The following TCAIM variants were observed in gnomAD, a reference collection of about 807,000 sequenced individuals.
TCAIM encodes the protein T cell activation inhibitor, mitochondrial, also known as T-cell activation inhibitor, mitochondrial.
In TCAIM, 36 loss-of-function variants were observed where a neutral mutation model predicts 58.6. The observed-to-expected ratio is 0.61, with a 90% CI of 0.47 to 0.81. The LOEUF (loss-of-function observed/expected upper bound fraction) is 0.81, where lower values mean the gene tolerates loss of function less well. TCAIM is among the 30% of genes least tolerant of loss of function. The pLI, the probability that TCAIM is intolerant of heterozygous loss-of-function variation, is 0.00. For missense variants in TCAIM, 466 were observed against 579.6 expected (o/e 0.80, Z 2.01); for synonymous variants, 172 against 193.6 (o/e 0.89, Z 0.93).
At chr3:44,371,839 T>C (rs1162947255) in intron 5 of TCAIM, among the ~76,000 whole-genome samples, 1 of 152,214 alleles carries the variant, frequency 6.6e-6, no homozygotes, top group Non-Finnish European at 1.5e-5. Context: ...GAATGGTATC[T>C]CTATCAATTT....
At chr3:44,356,937 T>C (rs1282282568) in intron 2 of TCAIM, among the ~76,000 whole-genome samples, 5 of 151,760 alleles carry the variant, frequency 3.3e-5, no homozygotes, top group Admixed American at 1.3e-4. Context: ...GCCAAGATCA[T>C]GCCACTGCAC....
chr3:44,386,902 A>C (rs1034609455), intron 5 of TCAIM, among the ~76,000 whole-genome samples: 1 of 152,120 alleles, frequency 6.6e-6, no homozygotes, highest in African/African-American at 2.4e-5. Context: ...ATGAAACCCC[A>C]CCTTCAAGCC....
chr3:44,340,211 A>G (rs545958162), intron 1 of TCAIM: 1 of 152,376 alleles, frequency 6.6e-6, no homozygotes, highest in East Asian at 1.9e-4. Context: ...CTGTGTAGCT[A>G]GTCCTGAAAG....
chr3:44,392,958 T>C lies in TCAIM; in HGVS notation c.676T>C (p.Leu226=). 6.2e-7 allele frequency: 1 copy of C among 1,611,926 alleles called. No homozygotes were observed. Residue 226 remains leucine, a synonymous_variant, in exon 6 of 11, where the codon TTG becomes CTG. Coordinates refer to ENST00000342649, the MANE Select transcript of TCAIM (RefSeq NM_173826.4). ...TTTAAAAGATGAACTGTCTCATCAA[T>C]TGCAACTCTCAGATATCAGGTAAGA... ...DRLKDELSHQ[L]QLSDIRWQRS...
intron 5 of TCAIM, among the ~76,000 whole-genome samples, chr3:44,375,691 A>G (rs910767268): frequency 2.6e-5 from 4 of 152,238 alleles, no homozygotes; most frequent in African/African-American, 9.6e-5. Flanking sequence ...GCTATATTCT[A>G]AAAGAGAATA....
At chr3:44,352,985 G>A (rs1575240795) in intron 1 of TCAIM, among the ~76,000 whole-genome samples, 1 of 146,334 alleles carries the variant, frequency 6.8e-6, no homozygotes, top group South Asian at 2.2e-4. Context: ...GCAAAGACGC[G>A]ATCTCGGCTC....
chr3:44,353,635 A>G (rs1701136948), intron 1 of TCAIM, among the ~76,000 whole-genome samples: 1 of 152,178 alleles, frequency 6.6e-6, no homozygotes, highest in African/African-American at 2.4e-5. Flanking sequence ...ATAGATTTGC[A>G]GTGGCATCTC....
intron 1 of TCAIM, among the ~76,000 whole-genome samples, chr3:44,344,498 A>G (rs1371225813): frequency 6.6e-6 from 1 of 152,206 alleles, no homozygotes; most frequent in Admixed American, 6.5e-5. Context: ...TTCAACATCA[A>G]GATGTCTGCA....
chr3:44,364,162 C>G lies in TCAIM; in HGVS notation c.319+2644C>G, dbSNP rs192653334. ...CATGATGGTCTCGATCTCTTAACCC[C>G]GTGATCCGCCCACCTCAGCCTCCCA... On this transcript the variant is annotated intron_variant, in intron 4 of 10. Coordinates refer to ENST00000342649, the MANE Select transcript of TCAIM (RefSeq NM_173826.4). Among the ~76,000 whole-genome samples, 386 of 151,146 alleles carry G rather than the reference C, an allele frequency of 2.6e-3. 5 individuals carry two copies. The highest frequency in any genetic ancestry group is 9.0e-3 in the African/African-American group (373 of 41,228).
At chr3:44,346,858 G>A (rs1385916085) in intron 1 of TCAIM, among the ~76,000 whole-genome samples, 1 of 152,192 alleles carries the variant, frequency 6.6e-6, no homozygotes, top group Non-Finnish European at 1.5e-5. Context: ...CTTCGGCTGT[G>A]TGTAATGAAA....
At chr3:44,368,917 G>A (rs769997431) in intron 5 of TCAIM, among the ~76,000 whole-genome samples, 23 of 152,278 alleles carry the variant, frequency 1.5e-4, no homozygotes, top group African/African-American at 3.6e-4. Context: ...TAGCTACTTG[G>A]AAGGCTAAGG....
chr3:44,396,880 T>C, intron 8 of TCAIM, 46 bp downstream of exon 8: 1 of 1,560,496 alleles, frequency 6.4e-7, no homozygotes, highest in Admixed American at 1.7e-5. Flanking sequence ...ATTCATAAAC[T>C]TTCATTTCCA....
chr3:44,380,392 A>T (rs565678084), intron 5 of TCAIM, among the ~76,000 whole-genome samples: 58 of 152,254 alleles, frequency 3.8e-4, no homozygotes, highest in Admixed American at 1.1e-3. Flanking sequence ...GAAAATTTTA[A>T]AAAAATGTAT....
intron 5 of TCAIM, among the ~76,000 whole-genome samples, chr3:44,380,255 T>C (rs1027229509): frequency 3.3e-5 from 5 of 152,162 alleles, no homozygotes; most frequent in Admixed American, 6.5e-5. Context: ...CAATCGTGTA[T>C]TTCAGAATAG....
intron 10 of TCAIM, among the ~76,000 whole-genome samples, chr3:44,403,227 C>T (rs528644550): frequency 6.6e-6 from 1 of 152,292 alleles, no homozygotes; most frequent in South Asian, 2.1e-4. Context: ...CGAGATCATG[C>T]CATTGCACTC....
intron 3 of TCAIM, among the ~76,000 whole-genome samples, chr3:44,361,016 T>C (rs1175261292): frequency 2.0e-5 from 3 of 152,268 alleles, no homozygotes; most frequent in African/African-American, 7.2e-5. Context: ...AGGACTCATA[T>C]GGCTAAGAAC....
intron 10 of TCAIM, among the ~76,000 whole-genome samples, chr3:44,406,317 T>A (rs543648444): frequency 6.6e-6 from 1 of 152,336 alleles, no homozygotes; most frequent in African/African-American, 2.4e-5. Context: ...TCTTGACAAG[T>A]GAAAAATCCC....
chr3:44,352,030 ATATAT>A (rs1455921504), intron 1 of TCAIM, among the ~76,000 whole-genome samples: 1 of 149,710 alleles, frequency 6.7e-6, no homozygotes, highest in African/African-American at 2.4e-5. Flanking sequence ...TATGTTATGT[ATATAT>A]TATATGTTAG....
At chr3:44,372,387 C>G (rs943932933) in intron 5 of TCAIM, among the ~76,000 whole-genome samples, 1 of 152,106 alleles carries the variant, frequency 6.6e-6, no homozygotes, top group Non-Finnish European at 1.5e-5. Flanking sequence ...CCATCATGGT[C>G]ATTTTGGCCA....
Sources: allele counts gnomAD v4.1 joint callset (sites outside exome capture counted in the v4.1 genomes callset), GRCh38; gene constraint gnomAD v4.1.1; transcripts MANE v1.5; gene names NCBI Gene and HGNC (gene_info 2026-07-23, HGNC 2026-07-21).